ZFHX3: variants seen among roughly 807,000 people sequenced by gnomAD.
The protein encoded by ZFHX3 is zinc finger homeobox protein 3.
ZFHX3 carries 42 observed loss-of-function variants against 279.1 expected under a neutral mutation model. The ratio of observed to expected loss-of-function variants is 0.15; its 90% CI spans 0.12 to 0.19. The LOEUF (loss-of-function observed/expected upper bound fraction) is 0.19, where lower values mean the gene tolerates loss of function less well. ZFHX3 is among the 10% of genes least tolerant of loss of function. The pLI is 1.00. For synonymous variants in ZFHX3, 2,293 were observed against 1,957.8 expected (o/e 1.17, Z -4.52); for missense variants, 4,981 against 4,754.0 (o/e 1.05, Z -1.40).
Position 73,768,001 on chromosome 16 carries a change from T to C in ZFHX3, c.-1607-87761A>G, listed in dbSNP as rs78713497. On this transcript the variant is annotated intron_variant, in intron 1 of 17. Coordinates refer to the ZFHX3 transcript ENST00000641206. ...TTACATCCCTAGATCTGAAGAGGCA[T>C]GGCACACGGGTAATTCCTACAACCT... Among the ~76,000 whole-genome samples the C allele has an allele frequency of 5.6e-4, 85 of 152,292 alleles. No individual in the cohort carries two copies. In the East Asian group the frequency reaches 0.016, roughly 28 times the overall value.
chr16:73,058,023 A>AC lies in ZFHX3; in HGVS notation c.-24+506dup, dbSNP rs1246312971. ...GGGGCGGGGGCACTCGGCACCGCGGACCCCCCCATACTCCCCCCACCGCCG... is the reference window on the plus strand; with the variant it reads ...GGGGCGGGGGCACTCGGCACCGCGGACCCCCCCCATACTCCCCCCACCGCCG... On this transcript the variant is annotated intron_variant, in intron 1 of 8. Coordinates refer to the ZFHX3 transcript ENST00000397992. Among the ~76,000 whole-genome samples, 15 of 136,812 alleles carry AC rather than the reference A, an allele frequency of 1.1e-4. No individual in the cohort carries two copies. The South Asian group carries it at 1.1e-3, about 10-fold the overall frequency. 89.8% of individuals were successfully genotyped at this position (136,812 alleles called of 152,430 possible). A position where few individuals can be genotyped will look rare whatever the true frequency, so the allele number is the denominator to read the frequency against.
chr16:73,300,246 G>C (rs1025582100), intron 4 of ZFHX3, among the ~76,000 whole-genome samples: 1 of 133,248 alleles, frequency 7.5e-6, no homozygotes, highest in African/African-American at 2.9e-5. Flanking sequence ...CTGGGTGACA[G>C]AGTGAGACTC....
intron 4 of ZFHX3, among the ~76,000 whole-genome samples, chr16:73,297,101 T>C (rs2143118549): frequency 6.6e-6 from 1 of 151,810 alleles, no homozygotes; most frequent in Middle Eastern, 3.4e-3. Context: ...ATGGTCTCGA[T>C]CCCCTGACCT....
chr16:73,780,825 G>A (rs1448994830), intron 1 of ZFHX3, among the ~76,000 whole-genome samples: 1 of 152,176 alleles, frequency 6.6e-6, no homozygotes, highest in Non-Finnish European at 1.5e-5. Flanking sequence ...TTTAAGAGTG[G>A]ATATATGTGC....
chr16:73,456,991 A>T (rs920253000), intron 2 of ZFHX3, among the ~76,000 whole-genome samples: 1 of 152,222 alleles, frequency 6.6e-6, no homozygotes, highest in African/African-American at 2.4e-5. Flanking sequence ...GTTGAAAGGG[A>T]CAGATTGGAG....
chr16:73,550,318 G>T (rs2020185124), intron 2 of ZFHX3, among the ~76,000 whole-genome samples: 1 of 152,142 alleles, frequency 6.6e-6, no homozygotes, highest in Non-Finnish European at 1.5e-5. Flanking sequence ...GACACATTTA[G>T]CCCCCTCTGC....
At chr16:73,434,924 G>C (rs79725468) in intron 3 of ZFHX3, among the ~76,000 whole-genome samples, 5,009 of 152,268 alleles carry the variant, frequency 0.033, 261 homozygotes, top group African/African-American at 0.11. Flanking sequence ...CTGCCTACTA[G>C]AGTCGTGGGG....
chr16:73,023,680 A>C (rs1316545696), intron 1 of ZFHX3, among the ~76,000 whole-genome samples: 2 of 152,220 alleles, frequency 1.3e-5, no homozygotes, highest in Non-Finnish European at 2.9e-5. Context: ...GAAAAGGCTT[A>C]AAGTGAGTAT....
chr16:73,510,250 AT>A (rs1444445166), intron 2 of ZFHX3, among the ~76,000 whole-genome samples: 2 of 152,068 alleles, frequency 1.3e-5, no homozygotes, highest in Non-Finnish European at 2.9e-5. Context: ...TTGCCTGTTT[AT>A]TTATTTTCTT....
At chr16:73,209,617 T>C (rs1302968148) in intron 5 of ZFHX3, among the ~76,000 whole-genome samples, 1 of 152,212 alleles carries the variant, frequency 6.6e-6, no homozygotes, top group Non-Finnish European at 1.5e-5. Flanking sequence ...GGAGTTAAAT[T>C]TCAACATGGG....
At chr16:73,763,161 A>G (rs1052323281) in intron 1 of ZFHX3, among the ~76,000 whole-genome samples, 1 of 152,148 alleles carries the variant, frequency 6.6e-6, no homozygotes, top group African/African-American at 2.4e-5. Flanking sequence ...TGTACAGGAT[A>G]CAGTGTTTAA....
chr16:73,536,673 C>T (rs995967382), intron 2 of ZFHX3, among the ~76,000 whole-genome samples: 1 of 152,132 alleles, frequency 6.6e-6, no homozygotes, highest in Non-Finnish European at 1.5e-5. Context: ...CCAGGACACA[C>T]CCAGGAAAAC....
At chr16:72,918,117 G>C (rs913467160) in intron 3 of ZFHX3, among the ~76,000 whole-genome samples, 11 of 152,010 alleles carry the variant, frequency 7.2e-5, no homozygotes, top group African/African-American at 2.7e-4. Context: ...ATCAAGGAAA[G>C]GGACAGACTC....
chr16:73,753,607 G>A (rs1426483839), intron 1 of ZFHX3, among the ~76,000 whole-genome samples: 2 of 152,156 alleles, frequency 1.3e-5, no homozygotes, highest in Admixed American at 6.5e-5. Context: ...GCCCTGCTCA[G>A]CAAGGTAGCA....
intron 2 of ZFHX3, among the ~76,000 whole-genome samples, chr16:73,673,705 C>T (rs1476635242): frequency 1.3e-5 from 2 of 152,114 alleles, no homozygotes; most frequent in Admixed American, 6.6e-5. Flanking sequence ...TGGAAAAGAG[C>T]CTCAAAATTG....
At chr16:72,908,507 A>G (rs963482084) in intron 3 of ZFHX3, among the ~76,000 whole-genome samples, 1 of 152,212 alleles carries the variant, frequency 6.6e-6, no homozygotes, top group Non-Finnish European at 1.5e-5. Context: ...CCTAGGACTG[A>G]CTACACAAAG....
chr16:73,121,416 T>C (rs1966497428), intron 7 of ZFHX3, among the ~76,000 whole-genome samples: 3 of 152,224 alleles, frequency 2.0e-5, no homozygotes, highest in South Asian at 4.1e-4. Flanking sequence ...TTTTAAAATA[T>C]GGCTACTGGA....
intron 1 of ZFHX3, among the ~76,000 whole-genome samples, chr16:73,813,393 C>A (rs570758057): frequency 6.6e-6 from 1 of 151,930 alleles, no homozygotes; most frequent in Non-Finnish European, 1.5e-5. Context: ...CCTCTCTCAA[C>A]TCTGGGCATG....
At chr16:73,063,194 A>C (rs1965707860), upstream of ZFHX3, among the ~76,000 whole-genome samples, 1 of 152,142 alleles carries the variant, frequency 6.6e-6, no homozygotes, top group East Asian at 1.9e-4. Flanking sequence ...GCGGGGAGGA[A>C]AGGGTTAAGC....
Sources: gnomAD v4.1 joint callset for allele counts (sites outside exome capture counted in the v4.1 genomes callset) on GRCh38, gnomAD v4.1.1 for gene constraint, MANE v1.5 for transcripts, NCBI Gene and HGNC (gene_info 2026-07-23, HGNC 2026-07-21) for gene names.